SKIC2: variants seen among roughly 807,000 people sequenced by gnomAD.
SKIC2 encodes the protein superkiller complex protein 2.
chr6:31,968,312 TCTG>T, the SKIC2 span: 1 of 1,604,374 alleles, frequency 6.2e-7, no homozygotes, highest in South Asian at 1.1e-5. The surrounding 1 kb of genome is among the most constrained non-coding windows in gnomAD (Gnocchi z 6.1). Flanking sequence ...GATCTTAAGA[TCTG>T]CTCCCTCTTC....
chr6:31,967,225 A>C, the SKIC2 span: 1 of 1,609,390 alleles, frequency 6.2e-7, no homozygotes, highest in Non-Finnish European at 8.5e-7. The surrounding 1 kb of genome is among the most constrained non-coding windows in gnomAD (Gnocchi z 4.9). Context: ...ACTTAGTCCA[A>C]GTGTCTGTCC....
chr6:31,967,243 G>A, the SKIC2 span: 1 of 1,609,336 alleles, frequency 6.2e-7, no homozygotes. This position sits in a 1 kb window ranked among gnomAD's most constrained non-coding sequence, Gnocchi z 4.9. Flanking sequence ...TCCCTGTGAT[G>A]CCTCCTCCCA....
chr6:31,969,140 T>G, the SKIC2 span: 3 of 1,573,710 alleles, frequency 1.9e-6, no homozygotes, highest in Non-Finnish European at 2.6e-6. The surrounding 1 kb of genome is among the most constrained non-coding windows in gnomAD (Gnocchi z 6.1). Flanking sequence ...ATTCCTGACC[T>G]TCACCTTCAG....
the SKIC2 span, among the ~76,000 whole-genome samples, chr6:31,965,141 A>G: frequency 6.6e-6 from 1 of 152,158 alleles, no homozygotes; most frequent in Non-Finnish European, 1.5e-5. The surrounding 1 kb of genome is among the most constrained non-coding windows in gnomAD (Gnocchi z 5.6). Context: ...ACAAAGAAAC[A>G]AACAAAAACT....
the SKIC2 span, chr6:31,968,221 G>T: frequency 6.9e-6 from 10 of 1,446,386 alleles, no homozygotes; most frequent in East Asian, 2.3e-4. The surrounding 1 kb of genome is among the most constrained non-coding windows in gnomAD (Gnocchi z 6.1). Flanking sequence ...CCAGCCTAAG[G>T]GAGACTGTGA....
the SKIC2 span, among the ~76,000 whole-genome samples, chr6:31,964,914 T>TC: frequency 6.6e-6 from 1 of 152,088 alleles, no homozygotes; most frequent in African/African-American, 2.4e-5. The surrounding 1 kb of genome is among the most constrained non-coding windows in gnomAD (Gnocchi z 5.0). Context: ...GGTCAAGAGA[T>TC]CGAGACCATC....
chr6:31,960,111 C>G, the SKIC2 span: 1 of 1,612,756 alleles, frequency 6.2e-7, no homozygotes, highest in Non-Finnish European at 8.5e-7. Context: ...GTGTGGAGCA[C>G]TCAGCCCGGT....
chr6:31,966,716 C>T, the SKIC2 span: 23 of 1,613,952 alleles, frequency 1.4e-5, no homozygotes, highest in East Asian at 1.1e-4. This position sits in a 1 kb window ranked among gnomAD's most constrained non-coding sequence, Gnocchi z 5.9. Context: ...CAGGGGAAGC[C>T]GTCCCAGCTG....
chr6:31,963,716 C>T, the SKIC2 span: 1 of 1,546,906 alleles, frequency 6.5e-7, no homozygotes, highest in Admixed American at 2.0e-5. The surrounding 1 kb of genome is among the most constrained non-coding windows in gnomAD (Gnocchi z 5.3). Context: ...GCCCACACAT[C>T]AGGGGGGCCC....
At chr6:31,968,540 T>C in the SKIC2 span, 1 of 1,609,690 alleles carries the variant, frequency 6.2e-7, no homozygotes. The surrounding 1 kb of genome is among the most constrained non-coding windows in gnomAD (Gnocchi z 6.1). Flanking sequence ...CCTGCCCAGG[T>C]AGGACCCTGG....
chr6:31,969,606 G>A, the SKIC2 span: 6 of 1,613,004 alleles, frequency 3.7e-6, no homozygotes, highest in East Asian at 2.2e-5. This position sits in a 1 kb window ranked among gnomAD's most constrained non-coding sequence, Gnocchi z 6.1. Flanking sequence ...CGCTCACTGC[G>A]GGGGGCAGCC....
the SKIC2 span, chr6:31,962,840 T>G: frequency 6.9e-7 from 1 of 1,449,336 alleles, no homozygotes; most frequent in Non-Finnish European, 9.7e-7. The surrounding 1 kb of genome is among the most constrained non-coding windows in gnomAD (Gnocchi z 5.0). Context: ...GTCCTCTCCT[T>G]TGGGACCAGT....
At chr6:31,967,696 CCT>C in the SKIC2 span, 158 of 1,612,150 alleles carry the variant, frequency 9.8e-5, no homozygotes, top group Non-Finnish European at 1.1e-4. This position sits in a 1 kb window ranked among gnomAD's most constrained non-coding sequence, Gnocchi z 4.9. Context: ...CCTCTCCTGG[CCT>C]CTCTGACCAC....
chr6:31,968,216 C>A, the SKIC2 span: 1 of 1,445,564 alleles, frequency 6.9e-7, no homozygotes, highest in Non-Finnish European at 9.6e-7. This position sits in a 1 kb window ranked among gnomAD's most constrained non-coding sequence, Gnocchi z 6.1. Context: ...CTCCCCCAGC[C>A]TAAGGGAGAC....
the SKIC2 span, chr6:31,969,026 C>G: frequency 2.5e-6 from 4 of 1,612,672 alleles, no homozygotes; most frequent in Non-Finnish European, 3.4e-6. The surrounding 1 kb of genome is among the most constrained non-coding windows in gnomAD (Gnocchi z 6.1). Flanking sequence ...CTGCCTTGCT[C>G]TCTGGCCTGG....
chr6:31,969,009 G>C, the SKIC2 span: 1 of 1,612,856 alleles, frequency 6.2e-7, no homozygotes, highest in Non-Finnish European at 8.5e-7. This position sits in a 1 kb window ranked among gnomAD's most constrained non-coding sequence, Gnocchi z 6.1. Context: ...GCGGCCTGAG[G>C]AGATTGCTGC....
the SKIC2 span, among the ~76,000 whole-genome samples, chr6:31,965,586 G>A: frequency 6.6e-6 from 1 of 152,178 alleles, no homozygotes; most frequent in African/African-American, 2.4e-5. This position sits in a 1 kb window ranked among gnomAD's most constrained non-coding sequence, Gnocchi z 5.6. Context: ...TTAAGAAATA[G>A]AAATAAGTAG....
the SKIC2 span, chr6:31,960,999 C>G: frequency 7.9e-6 from 11 of 1,385,178 alleles, no homozygotes; most frequent in African/African-American, 1.1e-4. Context: ...ACAATTTGTT[C>G]ACCAGTGTGC....
the SKIC2 span, chr6:31,968,138 G>C: frequency 6.2e-7 from 1 of 1,606,604 alleles, no homozygotes; most frequent in Non-Finnish European, 8.5e-7. The surrounding 1 kb of genome is among the most constrained non-coding windows in gnomAD (Gnocchi z 6.1). Context: ...AGGCAGGGAG[G>C]GGCAGTGGTC....
Sources: gnomAD v4.1 joint callset for allele counts (sites outside exome capture counted in the v4.1 genomes callset) on GRCh38, gnomAD v4.1.1 for gene constraint, Gnocchi (gnomAD v3.1) non-coding constraint, MANE v1.5 for transcripts, NCBI Gene and HGNC (gene_info 2026-07-23, HGNC 2026-07-21) for gene names.